The following LRP1B variants were observed in gnomAD, a reference collection of about 807,000 sequenced individuals.
LRP1B encodes LDL receptor related protein 1B, also known as low-density lipoprotein receptor-related protein 1B.
Under a neutral mutation model 556.6 loss-of-function variants are expected in LRP1B, and 217 were observed. The ratio of observed to expected loss-of-function variants is 0.39; its 90% CI spans 0.35 to 0.44. LRP1B has a LOEUF of 0.44. Ranked by LOEUF, LRP1B falls within the 20% of genes least tolerant of loss-of-function variation. LRP1B has a pLI of 1.00. For synonymous variants in LRP1B, 2,047 were observed against 1,865.8 expected (o/e 1.10, Z -2.50); for missense variants, 5,053 against 5,620.8 (o/e 0.90, Z 3.23).
intron 2 of LRP1B, among the ~76,000 whole-genome samples, chr2:141,731,583 C>A (rs761890404): frequency 1.2e-4 from 18 of 152,132 alleles, no homozygotes; most frequent in Non-Finnish European, 1.5e-4. Context: ...ACTTTCACAG[C>A]AGCCAGGCCC....
chr2:140,766,746 T>C (rs1341129657), intron 35 of LRP1B, among the ~76,000 whole-genome samples: 1 of 148,760 alleles, frequency 6.7e-6, no homozygotes, highest in African/African-American at 2.5e-5. Flanking sequence ...GAAAACATAA[T>C]ATCAGTTGAG....
intron 1 of LRP1B, among the ~76,000 whole-genome samples, chr2:141,830,372 G>C (rs1221332968): frequency 6.6e-6 from 1 of 151,686 alleles, no homozygotes; most frequent in Non-Finnish European, 1.5e-5. Flanking sequence ...GCAATTTTTA[G>C]CATTTGAGAA....
intron 1 of LRP1B, among the ~76,000 whole-genome samples, chr2:142,120,452 A>G (rs1477735176): frequency 6.6e-6 from 1 of 152,126 alleles, no homozygotes; most frequent in Non-Finnish European, 1.5e-5. Flanking sequence ...AGGGTGATGA[A>G]TACAGCCAAT....
chr2:141,151,099 T>A (rs1287422700), intron 7 of LRP1B, among the ~76,000 whole-genome samples: 1 of 152,178 alleles, frequency 6.6e-6, no homozygotes, highest in Admixed American at 6.5e-5. Flanking sequence ...GGCAGATTTA[T>A]GTTGCAGTAA....
intron 3 of LRP1B, among the ~76,000 whole-genome samples, chr2:141,458,082 A>T (rs1008274367): frequency 6.6e-6 from 1 of 152,156 alleles, no homozygotes; most frequent in Non-Finnish European, 1.5e-5. Flanking sequence ...TTCTTCCTTC[A>T]GGAAACTTCT....
At chr2:141,280,932 G>T (rs1404002287) in intron 3 of LRP1B, among the ~76,000 whole-genome samples, 1 of 151,676 alleles carries the variant, frequency 6.6e-6, no homozygotes, top group African/African-American at 2.4e-5. Context: ...ACAGATTTTT[G>T]CTCTCTCTCA....
chr2:140,979,317 C>T (rs1023866535), intron 18 of LRP1B, among the ~76,000 whole-genome samples: 10 of 151,616 alleles, frequency 6.6e-5, no homozygotes, highest in Non-Finnish European at 1.3e-4. Context: ...ATTCTATTTG[C>T]CAGCTGTAAA....
chr2:141,669,568 G>A (rs1690582799), intron 2 of LRP1B, among the ~76,000 whole-genome samples: 1 of 152,030 alleles, frequency 6.6e-6, no homozygotes, highest in African/African-American at 2.4e-5. Flanking sequence ...CACCCTGTAA[G>A]ACTTGCTACC....
chr2:141,740,672 C>T (rs919575081), intron 2 of LRP1B, among the ~76,000 whole-genome samples: 13 of 152,054 alleles, frequency 8.5e-5, no homozygotes, highest in African/African-American at 2.7e-4. Context: ...CTACCAAATA[C>T]GAGGTCTTAT....
intron 2 of LRP1B, among the ~76,000 whole-genome samples, chr2:141,756,402 C>A (rs1337952360): frequency 2.0e-5 from 3 of 151,936 alleles, no homozygotes; most frequent in Non-Finnish European, 4.4e-5. Flanking sequence ...GGAATTAAGT[C>A]CAATTTCCCA....
intron 6 of LRP1B, among the ~76,000 whole-genome samples, chr2:141,220,698 G>A (rs187964602): frequency 1.9e-4 from 28 of 150,432 alleles, no homozygotes; most frequent in East Asian, 3.9e-4. Context: ...GAAGCCCATC[G>A]GATTAACAGC....
At chr2:140,450,513 T>C in intron 63 of LRP1B, 55 bp downstream of exon 63, 4 of 1,332,176 alleles carry the variant, frequency 3.0e-6, no homozygotes, top group Non-Finnish European at 4.3e-6. Flanking sequence ...ATTTTCCAGG[T>C]CTGGGATATA....
At chr2:140,269,288 C>T (rs548495112) in intron 86 of LRP1B, 32 of 470,958 alleles carry the variant, frequency 6.8e-5, no homozygotes, top group Admixed American at 1.2e-4. Context: ...GCTCATTAAA[C>T]GCAGTTAAAG....
At position 140,982,217 on chromosome 2, in the gene LRP1B, A is replaced by G. The variant is rs1231164502; in HGVS notation, c.2830T>C (p.Trp944Arg). The change falls in exon 18 of 91, where the codon TGG (tryptophan) becomes CGG (arginine). Residue 944 changes from tryptophan to arginine, a missense_variant. Around this residue, in one of 5 missense-constraint regions of LRP1B, gnomAD observed 3,619 missense variants for 3,931.9 expected, o/e 0.92. Transcript: ENST00000389484. ...CAGTCGTCTTCCCTGTCACACAGCC[A>G]TGCTCTGGGAATGCAACGCCCATTT... Reference protein sequence around the residue: ...CGNGRCIPRAWLCDREDDCGD... With the variant: ...CGNGRCIPRARLCDREDDCGD... 13 of 1,613,300 alleles carry G rather than the reference A, an allele frequency of 8.1e-6. No individual in the cohort carries two copies. The highest frequency in any genetic ancestry group is 1.3e-5 in the African/African-American group (1 of 74,882).
At chr2:141,843,859 C>T (rs1222620194) in intron 1 of LRP1B, among the ~76,000 whole-genome samples, 5 of 152,006 alleles carry the variant, frequency 3.3e-5, no homozygotes, top group Admixed American at 2.0e-4. Flanking sequence ...GTGGAGAGAC[C>T]ACAGGCAATG....
chr2:141,037,588 T>C (rs1291279098), intron 11 of LRP1B, among the ~76,000 whole-genome samples: 3 of 152,036 alleles, frequency 2.0e-5, no homozygotes, highest in Admixed American at 6.6e-5. Context: ...ATTTGCACTA[T>C]GGCTGCACTC....
In LRP1B at chr2:140,378,295, A is replaced by T. The variant is rs1477182089; in HGVS notation, c.10532-9T>A. The T allele has an allele frequency of 4.9e-6, 7 of 1,435,452 alleles. No homozygotes were observed. Among genetic ancestry groups the T allele is most frequent in the Non-Finnish European group, 6.8e-6 (7 of 1,030,930 alleles). 88.9% of individuals were successfully genotyped at this position (1,435,452 alleles called of 1,614,324 possible). On this transcript the variant is annotated splice_polypyrimidine_tract_variant and intron_variant, in intron 67 of 90. Transcript: ENST00000389484. The stretch of plus-strand genomic sequence containing the variant: ...TGTACATGTCTGTGGCTCTGGGGAT[A>T]AAAAAACAGCACAGGGTTATTCTAT...
At chr2:141,080,450 G>T (rs1423721235) in intron 7 of LRP1B, among the ~76,000 whole-genome samples, 1 of 152,070 alleles carries the variant, frequency 6.6e-6, no homozygotes, top group Non-Finnish European at 1.5e-5. Flanking sequence ...TTCATAACCT[G>T]CTTTTCCTGT....
chr2:140,415,161 G>C (rs190202821), intron 66 of LRP1B, among the ~76,000 whole-genome samples: 44 of 152,250 alleles, frequency 2.9e-4, no homozygotes, highest in East Asian at 7.7e-4. Flanking sequence ...TTCTCTGCTC[G>C]TGAAGGCTGT....
Sources: gnomAD v4.1 joint callset for allele counts (sites outside exome capture counted in the v4.1 genomes callset) on GRCh38, gnomAD v4.1.1 for gene constraint, gnomAD v4.1.1 regional missense constraint, MANE v1.5 for transcripts, NCBI Gene and HGNC (gene_info 2026-07-23, HGNC 2026-07-21) for gene names.